TENM2: variants seen among roughly 807,000 people sequenced by gnomAD.
TENM2 encodes the protein teneurin-2.
In TENM2, 52 loss-of-function variants were observed where a neutral mutation model predicts 245.2. The observed-to-expected ratio is 0.21, with a 90% CI of 0.17 to 0.27. The LOEUF (loss-of-function observed/expected upper bound fraction) is 0.27, where lower values mean the gene tolerates loss of function less well. Ranked by LOEUF, TENM2 falls within the 10% of genes least tolerant of loss-of-function variation. The pLI is 1.00. For missense variants in TENM2, 3,046 were observed against 3,666.8 expected (o/e 0.83, Z 4.37); for synonymous variants, 1,363 against 1,438.9 (o/e 0.95, Z 1.19).
At chr5:168,166,493 A>G (rs1179079469) in intron 13 of TENM2, among the ~76,000 whole-genome samples, 1 of 152,174 alleles carries the variant, frequency 6.6e-6, no homozygotes, top group East Asian at 1.9e-4. Context: ...TTAAGCCCTA[A>G]TACTTTATGG....
chr5:167,661,444 T>C (rs898957517), intron 2 of TENM2, among the ~76,000 whole-genome samples: 1 of 152,194 alleles, frequency 6.6e-6, no homozygotes, highest in African/African-American at 2.4e-5. Flanking sequence ...TTTCAAGCCA[T>C]AGATTTGAAT....
chr5:167,347,956 A>G (rs961424029), intron 1 of TENM2, among the ~76,000 whole-genome samples: 1 of 152,174 alleles, frequency 6.6e-6, no homozygotes, highest in South Asian at 2.1e-4. Context: ...AGGGGCAACC[A>G]CCAAACAGTC....
intron 22 of TENM2, 34 bp downstream of exon 24, chr5:168,216,956 A>C (rs1763250188): frequency 1.2e-6 from 2 of 1,609,480 alleles, no homozygotes; most frequent in East Asian, 4.5e-5. Context: ...TCACTAAGCA[A>C]CACCTGCCCC....
the TENM2 span, among the ~76,000 whole-genome samples, chr5:167,043,359 G>C: frequency 6.6e-6 from 1 of 152,218 alleles, no homozygotes; most frequent in Non-Finnish European, 1.5e-5. Context: ...TGCAGATACA[G>C]TCAAAGAAAG....
chr5:168,123,495 G>A (rs1383153837), intron 10 of TENM2, among the ~76,000 whole-genome samples: 2 of 152,188 alleles, frequency 1.3e-5, no homozygotes, highest in Non-Finnish European at 2.9e-5. Context: ...TGGAAGGAGA[G>A]AAAACAAAAT....
chr5:168,196,841 C>T (rs1420967775), intron 15 of TENM2, among the ~76,000 whole-genome samples: 3 of 152,180 alleles, frequency 2.0e-5, no homozygotes, highest in East Asian at 1.9e-4. Flanking sequence ...ATTTCTGAGT[C>T]CCTGATGTGC....
the TENM2 span, among the ~76,000 whole-genome samples, chr5:167,118,626 A>G: frequency 1.3e-5 from 2 of 152,226 alleles, no homozygotes; most frequent in Non-Finnish European, 2.9e-5. Flanking sequence ...TAGTGTTGCA[A>G]CAATCTGAAG....
intron 1 of TENM2, among the ~76,000 whole-genome samples, chr5:167,293,368 ATTTTTTT>A (rs199972172): frequency 0.023 from 3,001 of 130,508 alleles, 45 homozygotes; most frequent in South Asian, 0.042. Context: ...TGTCCGGCTA[ATTTTTTT>A]TTTTTTTTTT....
chr5:167,913,329 A>G (rs962201044), intron 3 of TENM2, among the ~76,000 whole-genome samples: 1 of 152,210 alleles, frequency 6.6e-6, no homozygotes, highest in African/African-American at 2.4e-5. Context: ...AGCGGTAAAG[A>G]AGCAAGTTTC....
intron 3 of TENM2, among the ~76,000 whole-genome samples, chr5:167,911,540 A>T (rs1776557705): frequency 6.6e-6 from 1 of 152,196 alleles, no homozygotes; most frequent in Non-Finnish European, 1.5e-5. Context: ...AAACAAAACA[A>T]AACAAAACAA....
At chr5:167,875,223 AGAG>A (rs1773318563) in intron 2 of TENM2, among the ~76,000 whole-genome samples, 1 of 152,198 alleles carries the variant, frequency 6.6e-6, no homozygotes, top group Admixed American at 6.5e-5. Context: ...GGTTGATTGA[AGAG>A]AAGAAGTGAG....
intron 2 of TENM2, among the ~76,000 whole-genome samples, chr5:167,527,759 A>G (rs56349163): frequency 0.092 from 13,988 of 152,258 alleles, 732 homozygotes; most frequent in South Asian, 0.22. Flanking sequence ...CTTAGCAAAC[A>G]GTAGGCACTC....
At chr5:167,470,476 T>G (rs1343526276) in intron 2 of TENM2, among the ~76,000 whole-genome samples, 1 of 144,632 alleles carries the variant, frequency 6.9e-6, no homozygotes, top group Non-Finnish European at 1.5e-5. Context: ...TTTTTTTTTT[T>G]GCTTATGGAA....
chr5:168,190,856 T>A (rs1042433946), intron 14 of TENM2: 11 of 210,810 alleles, frequency 5.2e-5, no homozygotes, highest in African/African-American at 2.5e-4. Context: ...GTCATTATAT[T>A]AAATCTCCCT....
intron 2 of TENM2, among the ~76,000 whole-genome samples, chr5:167,532,610 C>T (rs1771582205): frequency 1.3e-5 from 2 of 151,872 alleles, no homozygotes; most frequent in African/African-American, 4.8e-5. Flanking sequence ...TCAATTACCT[C>T]CTACCAAGTT....
chr5:167,513,387 C>A (rs1350514613), intron 2 of TENM2, among the ~76,000 whole-genome samples: 2 of 152,078 alleles, frequency 1.3e-5, no homozygotes, highest in South Asian at 2.1e-4. Context: ...ACAGTAAATA[C>A]ACGCTGAAAC....
intron 2 of TENM2, among the ~76,000 whole-genome samples, chr5:167,519,676 G>A (rs1006365287): frequency 1.2e-4 from 19 of 152,122 alleles, no homozygotes; most frequent in African/African-American, 3.6e-4. Context: ...ATTATAGTTC[G>A]CTAAGAGAAG....
chr5:168,147,699 G>A (rs1260633182), intron 12 of TENM2, among the ~76,000 whole-genome samples: 2 of 152,154 alleles, frequency 1.3e-5, no homozygotes, highest in African/African-American at 2.4e-5. Context: ...CAGTACACAT[G>A]GGGTGACCTC....
intron 1 of TENM2, among the ~76,000 whole-genome samples, chr5:167,318,881 A>G (rs1429138949): frequency 1.3e-5 from 2 of 152,172 alleles, no homozygotes; most frequent in African/African-American, 4.8e-5. Flanking sequence ...TGTGAATTAC[A>G]TTTTTGAGAC....
Sources: gnomAD v4.1 joint callset for allele counts (sites outside exome capture counted in the v4.1 genomes callset) on GRCh38, gnomAD v4.1.1 for gene constraint, MANE v1.5 for transcripts, NCBI Gene and HGNC (gene_info 2026-07-23, HGNC 2026-07-21) for gene names.